C8orf89: variants seen among roughly 807,000 people sequenced by gnomAD.
The protein encoded by C8orf89 is chromosome 8 open reading frame 89.
In C8orf89, 14 loss-of-function variants were observed where a neutral mutation model predicts 15.8. The observed-to-expected ratio is 0.89, with a 90% CI of 0.59 to 1.39. C8orf89 has a LOEUF of 1.39. Among genes scored for constraint, C8orf89 ranks in the 40% most tolerant of loss-of-function variants. The pLI is 0.00. For missense variants in C8orf89, 181 were observed against 184.5 expected (o/e 0.98, Z 0.11); for synonymous variants, 55 against 62.2 (o/e 0.88, Z 0.54).
the C8orf89 span, among the ~76,000 whole-genome samples, chr8:73,284,782 A>G: frequency 6.6e-6 from 1 of 152,232 alleles, no homozygotes; most frequent in Non-Finnish European, 1.5e-5. Flanking sequence ...AAGAAATACC[A>G]TTGTAACAAG....
chr8:73,258,178 G>A (rs1474994776), intron 1 of C8orf89, among the ~76,000 whole-genome samples: 8 of 152,146 alleles, frequency 5.3e-5, no homozygotes, highest in Non-Finnish European at 1.0e-4. Context: ...TTGGGAGTCC[G>A]AGGTGGGCAG....
the C8orf89 span, among the ~76,000 whole-genome samples, chr8:73,279,785 C>G: frequency 6.6e-6 from 1 of 152,188 alleles, no homozygotes; most frequent in Non-Finnish European, 1.5e-5. Context: ...GCTCTCAGGA[C>G]ACTCACCTTT....
the C8orf89 span, among the ~76,000 whole-genome samples, chr8:73,281,801 T>C: frequency 2.0e-5 from 3 of 152,214 alleles, no homozygotes; most frequent in African/African-American, 7.2e-5. Context: ...TTCTAGGAAG[T>C]GGCTGCCTCC....
chr8:73,258,409 CAAAAAAA>C (rs34265425), intron 1 of C8orf89, among the ~76,000 whole-genome samples: 5 of 69,156 alleles, frequency 7.2e-5, no homozygotes, highest in Admixed American at 1.9e-4. Context: ...GACTCCATCT[CAAAAAAA>C]AAAAAAAAAA....
the C8orf89 span, among the ~76,000 whole-genome samples, chr8:73,267,180 A>G: frequency 0.01 from 1,581 of 152,292 alleles, 37 homozygotes; most frequent in African/African-American, 0.036. Context: ...AACCCTATAT[A>G]TGCTATGTTT....
chr8:73,263,820 G>A (rs1036464972), upstream of C8orf89, among the ~76,000 whole-genome samples: 3 of 152,104 alleles, frequency 2.0e-5, no homozygotes, highest in Non-Finnish European at 2.9e-5. Flanking sequence ...GTTCTATATT[G>A]GTGATGGTTA....
chr8:73,275,159 A>G, the C8orf89 span, among the ~76,000 whole-genome samples: 1 of 151,846 alleles, frequency 6.6e-6, no homozygotes. Context: ...TTTATACTGA[A>G]TAAGTGGTTA....
At chr8:73,246,432 G>A (rs911453716) in intron 3 of C8orf89, among the ~76,000 whole-genome samples, 3 of 152,338 alleles carry the variant, frequency 2.0e-5, no homozygotes, top group Admixed American at 1.3e-4. Context: ...AGGCTAGAGT[G>A]CAGTGGCACA....
At chr8:73,277,502 C>A in the C8orf89 span, 2 of 804,592 alleles carry the variant, frequency 2.5e-6, no homozygotes, top group Non-Finnish European at 2.1e-6. Context: ...ACCACGAAAA[C>A]TTCCCTGAGG....
chr8:73,268,057 A>G, the C8orf89 span, among the ~76,000 whole-genome samples: 1 of 152,356 alleles, frequency 6.6e-6, no homozygotes, highest in South Asian at 2.1e-4. Context: ...GCGGGGATAC[A>G]ATCAGCAAAA....
At chr8:73,260,739 A>C (rs899066459), upstream of C8orf89, among the ~76,000 whole-genome samples, 1 of 152,116 alleles carries the variant, frequency 6.6e-6, no homozygotes, top group Non-Finnish European at 1.5e-5. Context: ...GAGGAAGAGC[A>C]TTGTGATGGT....
At chr8:73,246,268 G>A (rs1813120178) in intron 3 of C8orf89, among the ~76,000 whole-genome samples, 1 of 152,184 alleles carries the variant, frequency 6.6e-6, no homozygotes, top group South Asian at 2.1e-4. Flanking sequence ...GGCACTGTAG[G>A]GATATGAAGG....
the C8orf89 span, among the ~76,000 whole-genome samples, chr8:73,279,602 G>T: frequency 6.6e-6 from 1 of 152,128 alleles, no homozygotes. Context: ...GTGTACTAAT[G>T]CATATGCAGT....
At chr8:73,250,446 A>T in intron 2 of C8orf89, 123 bp from the exon 3 acceptor site, 3 of 616,622 alleles carry the variant, frequency 4.9e-6, no homozygotes, top group South Asian at 2.3e-5. Flanking sequence ...TCTTTCCATT[A>T]TAACTCATTC....
At chr8:73,257,818 A>C (rs1813432259) in intron 1 of C8orf89, among the ~76,000 whole-genome samples, 1 of 152,254 alleles carries the variant, frequency 6.6e-6, no homozygotes, top group African/African-American at 2.4e-5. Context: ...TATTCTCTAC[A>C]AAGCAAGTGT....
At chr8:73,279,690 C>T in the C8orf89 span, among the ~76,000 whole-genome samples, 1 of 152,196 alleles carries the variant, frequency 6.6e-6, no homozygotes, top group African/African-American at 2.4e-5. Context: ...CTGAAACCAA[C>T]TTCCTCAGCC....
chr8:73,271,039 C>A, the C8orf89 span, among the ~76,000 whole-genome samples: 70 of 152,138 alleles, frequency 4.6e-4, no homozygotes, highest in Non-Finnish European at 8.2e-4. Flanking sequence ...CATCCCCATC[C>A]ATGCCACCTC....
At chr8:73,283,369 C>T in the C8orf89 span, among the ~76,000 whole-genome samples, 1 of 152,122 alleles carries the variant, frequency 6.6e-6, no homozygotes, top group African/African-American at 2.4e-5. Flanking sequence ...GGATTCAGAC[C>T]CTGCAAAGAA....
the C8orf89 span, among the ~76,000 whole-genome samples, chr8:73,279,914 G>A: frequency 2.8e-4 from 42 of 152,212 alleles, no homozygotes; most frequent in African/African-American, 9.4e-4. Flanking sequence ...CACCAGACAT[G>A]TGAGTGAATA....
Sources: gnomAD v4.1 joint callset for allele counts (sites outside exome capture counted in the v4.1 genomes callset) on GRCh38, gnomAD v4.1.1 for gene constraint, MANE v1.5 for transcripts, NCBI Gene and HGNC (gene_info 2026-07-23, HGNC 2026-07-21) for gene names.